The following MRPL54 variants were observed in gnomAD, a reference collection of about 807,000 sequenced individuals.
The protein encoded by MRPL54 is large ribosomal subunit protein mL54.
Under a neutral mutation model 15.6 loss-of-function variants are expected in MRPL54, and 12 were observed. That is an observed-to-expected ratio of 0.77 (90% CI 0.49 to 1.24). The LOEUF (loss-of-function observed/expected upper bound fraction) is 1.24, where lower values mean the gene tolerates loss of function less well. MRPL54 is among the 50% of genes most tolerant of loss of function. The pLI is 0.00. For missense variants in MRPL54, 178 were observed against 186.8 expected (o/e 0.95, Z 0.28); for synonymous variants, 91 against 75.7 (o/e 1.20, Z -1.05).
chr19:3,767,414 T>C lies in MRPL54; in HGVS notation c.*21T>C, dbSNP rs775704597. On this transcript the variant is annotated 3_prime_UTR_variant, in exon 3 of 3. Coordinates refer to ENST00000330133, the MANE Select transcript of MRPL54 (RefSeq NM_172251.3). ...TGTAGCATGGAGGGCCCGGCATCGC[T>C]GACCCCCACGCCGAGGGCTTGCCGT... 1.1e-5 allele frequency: 18 copies of C among 1,605,778 alleles called. No individual in the cohort carries two copies. In the South Asian group the frequency reaches 2.0e-4, roughly 18 times the overall value.
In MRPL54 at chr19:3,762,787, A is replaced by G; in HGVS notation, c.87A>G (p.Arg29=). The G allele has an allele frequency of 6.3e-7, 1 of 1,597,206 alleles. No homozygotes were observed. The highest frequency in any genetic ancestry group is 8.5e-7 in the Non-Finnish European group (1 of 1,171,644). The change falls in exon 1 of 3, where the codon AGA becomes AGG. Residue 29 remains arginine, a synonymous_variant. Transcript: ENST00000330133. ...WELLNPATSG[R]LLARDYAKKP... ...TCCTAAACCCCGCCACTTCCGGAAG[A>G]CTCCTGGCCCGGGATTATGCCAAGA... is the stretch of plus-strand genomic sequence containing the variant.
In MRPL54 at chr19:3,765,151, C is replaced by G. The variant is rs914339407; in HGVS notation, c.119-15C>G. The G allele has an allele frequency of 3.1e-6, 5 of 1,601,008 alleles. No homozygotes were observed. The highest frequency in any genetic ancestry group is 4.3e-6 in the Non-Finnish European group (5 of 1,173,152). ...AGGGGCTGGGCTGAAATGACTCTCCCTCTCGTCTCCCCAGTTATGAAGGGG... is the reference window on the plus strand; with the variant it reads ...AGGGGCTGGGCTGAAATGACTCTCCGTCTCGTCTCCCCAGTTATGAAGGGG... On this transcript the variant is annotated splice_polypyrimidine_tract_variant and intron_variant, in intron 1 of 2. Coordinates refer to ENST00000330133, the MANE Select transcript of MRPL54 (RefSeq NM_172251.3).
chr19:3,766,018 T>G (rs1365994470), intron 2 of MRPL54, among the ~76,000 whole-genome samples: 1 of 151,914 alleles, frequency 6.6e-6, no homozygotes, highest in Non-Finnish European at 1.5e-5. Context: ...TTCAAGCGGT[T>G]CTCCTGCCTC....
intron 1 of MRPL54, among the ~76,000 whole-genome samples, chr19:3,763,724 C>G (rs1188573288): frequency 6.6e-6 from 1 of 151,822 alleles, no homozygotes; most frequent in African/African-American, 2.4e-5. Flanking sequence ...TCAGCCTGAC[C>G]AACATGGTGA....
At chr19:3,762,898 G>C in intron 1 of MRPL54, 80 bp downstream of exon 1, 1 of 1,231,150 alleles carries the variant, frequency 8.1e-7, no homozygotes, top group Non-Finnish European at 1.1e-6. Context: ...GGTTGGGGAG[G>C]TGGTGCTAGA....
chr19:3,767,473 A>AGGC lies in MRPL54; in HGVS notation c.*84_*86dup. ...AGGACGTGGACTTTTGTGAGACAAG[A>AGGC]GGCGGCTCCCCAGCCTGGGTTTCCA... On this transcript the variant is annotated 3_prime_UTR_variant, in exon 3 of 3. Coordinates refer to ENST00000330133, the MANE Select transcript of MRPL54 (RefSeq NM_172251.3). 6.4e-7 allele frequency: 1 copy of AGGC among 1,566,168 alleles called. No individual in the cohort carries two copies.
At chr19:3,763,741 A>C (rs1376321012) in intron 1 of MRPL54, among the ~76,000 whole-genome samples, 2 of 152,060 alleles carry the variant, frequency 1.3e-5, no homozygotes, top group East Asian at 3.9e-4. Flanking sequence ...GTGAAACCCT[A>C]GCTCTACTAA....
At chr19:3,765,480 T>C in intron 2 of MRPL54, 149 bp downstream of exon 2, 2 of 765,356 alleles carry the variant, frequency 2.6e-6, no homozygotes, top group Non-Finnish European at 4.2e-6. Context: ...GCTTCAGGGC[T>C]CTGCCCATCT....
chr19:3,765,161 C>G lies in MRPL54; in HGVS notation c.119-5C>G. Reference sequence around the variant, plus strand: ...CTGAAATGACTCTCCCTCTCGTCTCCCCAGTTATGAAGGGGGCCAAATCGG... The same window carrying G: ...CTGAAATGACTCTCCCTCTCGTCTCGCCAGTTATGAAGGGGGCCAAATCGG... On this transcript the variant is annotated splice_region_variant and splice_polypyrimidine_tract_variant and intron_variant, in intron 1 of 2. Transcript: ENST00000330133. 2 of 1,608,096 alleles carry G rather than the reference C, an allele frequency of 1.2e-6. No individual in the cohort carries two copies. The highest frequency in any genetic ancestry group is 1.7e-5 in the Admixed American group (1 of 58,982).
rs2145732827 is a variant in MRPL54 at position 3,767,330 on chromosome 19, G to A, written c.354G>A (p.Trp118Ter). 6.2e-7 allele frequency: 1 copy of A among 1,611,022 alleles called. No homozygotes were observed. The highest frequency in any genetic ancestry group is 2.2e-5 in the East Asian group (1 of 44,516). ...TGGACCCCGAGAGCCGGGAGTACTG[G>A]CGGCGGCTGCGGAAACAGAACATCT... ...EELDPESREY[W>*]RRLRKQNIWR... is the part of the protein sequence containing the mutation. The change falls in exon 3 of 3, where the codon TGG becomes TGA. Residue 118 changes from tryptophan (W) to a stop codon, truncating the protein, a stop_gained. Coordinates refer to ENST00000330133, the MANE Select transcript of MRPL54 (RefSeq NM_172251.3). LOFTEE classifies it high-confidence loss of function.
Position 3,762,699 on chromosome 19 carries a change from T to TG in MRPL54, c.-2_-1insG. On this transcript the variant is annotated 5_prime_UTR_variant, in exon 1 of 3. Transcript: ENST00000330133. The stretch of plus-strand genomic sequence containing the variant: ...GCACTTGCAAGCTGCCCGCAATACG[T>TG]CATGGCGACCAAACGCCTTTTCGGG... 3.1e-6 allele frequency: 5 copies of TG among 1,611,394 alleles called. No individual in the cohort carries two copies. The highest frequency in any genetic ancestry group is 4.2e-6 in the Non-Finnish European group (5 of 1,178,928).
chr19:3,767,237 G>A, intron 2 of MRPL54, 24 bp from the exon 3 acceptor site: 2 of 1,605,916 alleles, frequency 1.2e-6, no homozygotes, highest in South Asian at 1.1e-5. Context: ...GTGTAGCTCT[G>A]ATTCCTGCCC....
In MRPL54 at chr19:3,767,405, C is replaced by T. The variant is rs749270186; in HGVS notation, c.*12C>T. On this transcript the variant is annotated 3_prime_UTR_variant, in exon 3 of 3. Coordinates refer to ENST00000330133, the MANE Select transcript of MRPL54 (RefSeq NM_172251.3). ...ACAAGAGGTTGTAGCATGGAGGGCC[C>T]GGCATCGCTGACCCCCACGCCGAGG... 1.9e-5 allele frequency: 31 copies of T among 1,606,622 alleles called. No individual in the cohort carries two copies. Among genetic ancestry groups the T allele is most frequent in the South Asian group, 5.5e-5 (5 of 90,598 alleles).
chr19:3,763,331 G>A (rs73531455), intron 1 of MRPL54, among the ~76,000 whole-genome samples: 2,802 of 152,272 alleles, frequency 0.018, 81 homozygotes, highest in African/African-American at 0.063. Context: ...TGTTGAAAGG[G>A]GGAAATTGTC....
intron 2 of MRPL54, among the ~76,000 whole-genome samples, chr19:3,765,563 G>A (rs1053936357): frequency 3.9e-5 from 6 of 152,132 alleles, no homozygotes; most frequent in Non-Finnish European, 8.8e-5. Context: ...CACATGTCAA[G>A]TACCTAAAAC....
At position 3,765,239 on chromosome 19, in the gene MRPL54, T is replaced by A; in HGVS notation, c.192T>A (p.Asp64Glu). The A allele has an allele frequency of 6.2e-7, 1 of 1,613,950 alleles. No homozygotes were observed. The highest frequency in any genetic ancestry group is 8.5e-7 in the Non-Finnish European group (1 of 1,179,966). The change falls in exon 2 of 3, where the codon GAT (aspartate) becomes GAA (glutamate). Residue 64 changes from aspartate (D) to glutamate (E), a missense_variant. By Grantham distance (45) the Asp-to-Glu change is conservative. Coordinates refer to ENST00000330133, the MANE Select transcript of MRPL54 (RefSeq NM_172251.3). ...EALKDPDVCT[D>E]PVQLTTYAMG... is the part of the protein sequence containing the mutation. ...TCAAGGACCCCGACGTATGCACAGA[T>A]CCTGTCCAGCTCACCACATATGCCA...
chr19:3,764,736 A>T (rs1215717087), intron 1 of MRPL54, among the ~76,000 whole-genome samples: 1 of 150,268 alleles, frequency 6.7e-6, no homozygotes, highest in Non-Finnish European at 1.5e-5. Flanking sequence ...CTTTAAAAAA[A>T]AGTTTTGAGT....
intron 2 of MRPL54, among the ~76,000 whole-genome samples, chr19:3,766,837 A>T (rs1316359561): frequency 6.6e-6 from 1 of 152,172 alleles, no homozygotes. Flanking sequence ...GGTGTGCTGG[A>T]GGAACAGCGG....
chr19:3,766,078 AT>A (rs1177318246), intron 2 of MRPL54, among the ~76,000 whole-genome samples: 301 of 138,694 alleles, frequency 2.2e-3, no homozygotes, highest in Middle Eastern at 3.7e-3. Flanking sequence ...TGCCTGGCTA[AT>A]TTTTTTTTTT....
Sources: gnomAD v4.1 joint callset for allele counts (sites outside exome capture counted in the v4.1 genomes callset) on GRCh38, gnomAD v4.1.1 for gene constraint, MANE v1.5 for transcripts, NCBI Gene and HGNC (gene_info 2026-07-23, HGNC 2026-07-21) for gene names.